The following GSTCD variants were observed in gnomAD, a reference collection of about 807,000 sequenced individuals.
GSTCD encodes the protein glutathione S-transferase C-terminal domain containing, also known as glutathione S-transferase C-terminal domain-containing protein.
In GSTCD, 44 loss-of-function variants were observed where a neutral mutation model predicts 68.3. The ratio of observed to expected loss-of-function variants is 0.64; its 90% CI spans 0.51 to 0.83. The LOEUF (loss-of-function observed/expected upper bound fraction) is 0.83, where lower values mean the gene tolerates loss of function less well. GSTCD is among the 40% of genes least tolerant of loss of function. The pLI, the probability that GSTCD is intolerant of heterozygous loss-of-function variation, is 0.00. For synonymous variants in GSTCD, 273 were observed against 255.2 expected, an observed-to-expected ratio of 1.07 and a Z score of -0.67; for missense variants, 739 against 735.9, an observed-to-expected ratio of 1.00 and a Z score of -0.05.
intron 5 of GSTCD, among the ~76,000 whole-genome samples, chr4:105,803,781 T>C (rs556497037): frequency 6.6e-6 from 1 of 152,150 alleles, no homozygotes; most frequent in African/African-American, 2.4e-5. Flanking sequence ...GAATTATACA[T>C]ATAATTCCAT....
intron 5 of GSTCD, among the ~76,000 whole-genome samples, chr4:105,746,963 C>T (rs901250008): frequency 4.6e-5 from 7 of 152,190 alleles, no homozygotes; most frequent in Non-Finnish European, 1.5e-5. Flanking sequence ...TCTTTCTTCT[C>T]CCAGCAGAAG....
intron 5 of GSTCD, among the ~76,000 whole-genome samples, chr4:105,777,195 C>G (rs1358805823): frequency 6.6e-6 from 1 of 151,980 alleles, no homozygotes; most frequent in Non-Finnish European, 1.5e-5. Flanking sequence ...ATTCTGGCAC[C>G]TAAGGATAGT....
chr4:105,793,041 G>A (rs1735734867), intron 5 of GSTCD, among the ~76,000 whole-genome samples: 2 of 151,960 alleles, frequency 1.3e-5, no homozygotes, highest in Admixed American at 1.3e-4. Context: ...ATCTAAATTA[G>A]AATTTGTAAA....
chr4:105,801,141 C>A (rs2553468), intron 5 of GSTCD, among the ~76,000 whole-genome samples: 92,750 of 151,948 alleles, frequency 0.61, 33,869 homozygotes, highest in East Asian at 0.9. Context: ...AATATGAGAG[C>A]TGAAACAAGA....
At position 105,846,957 on chromosome 4, in the gene GSTCD, C is replaced by A. The variant is rs1724573970; in HGVS notation, c.*1380C>A. ...TACAGGCGTGAGCCACCTCACCTGG[C>A]CATGTTCTTTATGGAATACTACAAT... On this transcript the variant is annotated 3_prime_UTR_variant, in exon 12 of 12. Transcript: ENST00000515279. 1 of 152,082 alleles carries A rather than the reference C, an allele frequency of 6.6e-6. No homozygotes were observed. The highest frequency in any genetic ancestry group is 1.5e-5 in the Non-Finnish European group (1 of 68,032). 9.4% of individuals were successfully genotyped at this position (152,082 alleles called of 1,614,324 possible). A position where few individuals can be genotyped will look rare whatever the true frequency, so the allele number is the denominator to read the frequency against.
rs139696374 is a variant in GSTCD, at chr4:105,741,142, T to C, written c.1240+11643T>C. ...GAAGTAGTTGCCTTCCCTTTTCATATTCTTTTTTTCTGTGATGCTACCTAA... is the reference window on the plus strand; with the variant it reads ...GAAGTAGTTGCCTTCCCTTTTCATACTCTTTTTTTCTGTGATGCTACCTAA... On this transcript the variant is annotated intron_variant, in intron 5 of 11. Coordinates refer to ENST00000515279, the MANE Select transcript of GSTCD (RefSeq NM_001370181.1). Among the ~76,000 whole-genome samples the C allele has an allele frequency of 2.4e-3, 368 of 152,280 alleles. 2 individuals carry two copies. The highest frequency in any genetic ancestry group is 8.6e-3 in the African/African-American group (357 of 41,552).
chr4:105,732,229 T>A (rs1733271300), intron 5 of GSTCD, among the ~76,000 whole-genome samples: 1 of 152,238 alleles, frequency 6.6e-6, no homozygotes, highest in Admixed American at 6.5e-5. Flanking sequence ...GAGGATTCCC[T>A]CTTTTGCTAT....
At chr4:105,768,889 A>G (rs17263714) in intron 5 of GSTCD, among the ~76,000 whole-genome samples, 5,646 of 151,744 alleles carry the variant, frequency 0.037, 153 homozygotes, top group Middle Eastern at 0.054. Flanking sequence ...TATGATTTTT[A>G]TAGGATAGAT....
At chr4:105,841,993 T>C in intron 10 of GSTCD, 72 bp from the exon 11 acceptor site, 2 of 1,119,228 alleles carry the variant, frequency 1.8e-6, no homozygotes, top group South Asian at 1.3e-5. Context: ...AGGTAGTTTT[T>C]TTGGTGGTTG....
intron 7 of GSTCD, 49 bp from the exon 8 acceptor site, chr4:105,825,623 G>A (rs1341846807): frequency 9.1e-7 from 1 of 1,093,798 alleles, no homozygotes; most frequent in Non-Finnish European, 1.4e-6. Context: ...TTTGCCTAAT[G>A]TCTGAATTAT....
intron 11 of GSTCD, 74 bp downstream of exon 11, chr4:105,842,208 A>G (rs559007495): frequency 8.3e-7 from 1 of 1,199,726 alleles, no homozygotes; most frequent in East Asian, 2.3e-5. Context: ...CCAAGTCTAT[A>G]TGGGAAAAAT....
Position 105,825,705 on chromosome 4 carries a change from A to G in GSTCD, c.1435A>G (p.Ile479Val). ...TLIENKELSL[I>V]RAKKRSDELG... is the part of the protein sequence containing the mutation. ...AATAGAAAACAAGGAATTATCATTA[A>G]TTCGTGCTAAGAAGAGAAGTGATGA... The change falls in exon 8 of 12, where the codon ATT becomes GTT. Residue 479 changes from isoleucine (I) to valine (V), a missense_variant. Transcript: ENST00000515279. The G allele has an allele frequency of 6.6e-7, 1 of 1,514,732 alleles. No individual in the cohort carries two copies. The highest frequency in any genetic ancestry group is 2.3e-5 in the East Asian group (1 of 44,166). The allele number at this position is 1,514,732 out of a possible 1,614,324, so 93.8% of individuals were successfully genotyped here.
intron 5 of GSTCD, chr4:105,761,495 G>A (rs1057305307): frequency 2.6e-5 from 4 of 152,044 alleles, no homozygotes; most frequent in African/African-American, 7.2e-5. Context: ...TGAGAAGGCT[G>A]TGACTCAGTT....
At chr4:105,734,681 G>A (rs1047426901) in intron 5 of GSTCD, among the ~76,000 whole-genome samples, 4 of 152,206 alleles carry the variant, frequency 2.6e-5, no homozygotes, top group African/African-American at 7.2e-5. Context: ...CTTTCAACTC[G>A]TCAAAGTCAT....
intron 5 of GSTCD, among the ~76,000 whole-genome samples, chr4:105,818,045 T>C (rs909615474): frequency 9.9e-5 from 15 of 151,912 alleles, no homozygotes; most frequent in South Asian, 2.1e-4. Context: ...GGTAATCTTT[T>C]CATTTAATTG....
chr4:105,767,327 T>C (rs1734656226), intron 5 of GSTCD, among the ~76,000 whole-genome samples: 1 of 152,188 alleles, frequency 6.6e-6, no homozygotes, highest in African/African-American at 2.4e-5. Context: ...TCACTATGTA[T>C]GGAGAAACCT....
chr4:105,781,393 G>A lies in GSTCD; in HGVS notation c.1241-41561G>A, dbSNP rs563886388. 9.4e-4 allele frequency among the ~76,000 whole-genome samples: 143 copies of A among 151,500 alleles called. 1 individual carries two copies. The highest frequency in any genetic ancestry group is 1.4e-3 in the Non-Finnish European group (95 of 67,894). Reference sequence around the variant, plus strand: ...CCCCCAAGTACTTAGGAATACAGGCGTGTGCCATCATGCTCAGCTTTTTTT... The same window carrying A: ...CCCCCAAGTACTTAGGAATACAGGCATGTGCCATCATGCTCAGCTTTTTTT... On this transcript the variant is annotated intron_variant, in intron 5 of 11. Coordinates refer to ENST00000515279, the MANE Select transcript of GSTCD (RefSeq NM_001370181.1).
At chr4:105,782,556 C>A (rs1414239417) in intron 5 of GSTCD, among the ~76,000 whole-genome samples, 1 of 151,962 alleles carries the variant, frequency 6.6e-6, no homozygotes, top group African/African-American at 2.4e-5. Context: ...TCATTCATGG[C>A]TTCATAATAT....
intron 1 of GSTCD, among the ~76,000 whole-genome samples, chr4:105,710,232 ATTT>A (rs761574598): frequency 3.5e-5 from 3 of 85,720 alleles, no homozygotes; most frequent in Admixed American, 3.2e-4. Flanking sequence ...GGGCCCATCA[ATTT>A]TTTTTTTTTT....
Sources: allele counts gnomAD v4.1 joint callset (sites outside exome capture counted in the v4.1 genomes callset), GRCh38; gene constraint gnomAD v4.1.1; transcripts MANE v1.5; gene names NCBI Gene and HGNC (gene_info 2026-07-23, HGNC 2026-07-21).